The following CDKL1 variants were observed in gnomAD, a reference collection of about 807,000 sequenced individuals.
CDKL1 encodes the protein cyclin dependent kinase like 1.
In CDKL1, 41 loss-of-function variants were observed where a neutral mutation model predicts 42.0. That is an observed-to-expected ratio of 0.98 (90% CI 0.76 to 1.27). The LOEUF (loss-of-function observed/expected upper bound fraction) is 1.27, where lower values mean the gene tolerates loss of function less well. Among genes scored for constraint, CDKL1 ranks in the 50% most tolerant of loss-of-function variants. CDKL1 has a pLI of 0.00. For synonymous variants in CDKL1, 153 were observed against 158.6 expected, an observed-to-expected ratio of 0.96 and a Z score of 0.26; for missense variants, 394 against 428.4, an observed-to-expected ratio of 0.92 and a Z score of 0.71.
intron 4 of CDKL1, among the ~76,000 whole-genome samples, chr14:50,344,465 GT>G (rs1469813182): frequency 2.0e-5 from 2 of 98,576 alleles, no homozygotes; most frequent in African/African-American, 4.1e-5. Flanking sequence ...TTTGTTCTTT[GT>G]GGTTTTTTTT....
In CDKL1 at chr14:50,331,971, C is replaced by T. The variant is rs985250691; in HGVS notation, c.966+291G>A. The stretch of plus-strand genomic sequence containing the variant: ...TCATTTTCCAAAGCCCAAAAAGTCT[C>T]CTTAGCTGGACTCATACTCATGTAC... On this transcript the variant is annotated intron_variant, in intron 9 of 9. Coordinates refer to ENST00000395834, the MANE Select transcript of CDKL1 (RefSeq NM_004196.7). 2.3e-5 allele frequency: 33 copies of T among 1,444,882 alleles called. No individual in the cohort carries two copies. In the African/African-American group the frequency reaches 3.6e-4, roughly 16 times the overall value. The allele number at this position is 1,444,882 out of a possible 1,614,324, so 89.5% of individuals were successfully genotyped here.
At chr14:50,341,994 C>A in intron 5 of CDKL1, 138 bp downstream of exon 5, 1 of 679,690 alleles carries the variant, frequency 1.5e-6, no homozygotes. Flanking sequence ...TCGGTAATTA[C>A]AAAATTATAA....
chr14:50,358,182 G>A (rs535575187), intron 3 of CDKL1: 88 of 1,285,720 alleles, frequency 6.8e-5, no homozygotes, highest in Non-Finnish European at 8.7e-5. Flanking sequence ...CGGAGCCCCC[G>A]GAGTCACTCC....
rs779212729 is a variant in CDKL1 at position 50,336,110 on chromosome 14, T to TG, written c.739-1490dup. The TG allele has an allele frequency of 5.9e-6, 8 of 1,366,172 alleles. No homozygotes were observed. The South Asian group carries it at 9.1e-5, about 16-fold the overall frequency. The allele number at this position is 1,366,172 out of a possible 1,614,324, so 84.6% of individuals were successfully genotyped here. Reference sequence around the variant, plus strand: ...GCTCTGCTGTCTCAGCAACAATGTCTGGATGAGGCCAACTGGTTGCCTGTG... The same window carrying TG: ...GCTCTGCTGTCTCAGCAACAATGTCTGGGATGAGGCCAACTGGTTGCCTGTG... On this transcript the variant is annotated intron_variant, in intron 7 of 9. Transcript: ENST00000395834.
At position 50,367,580 on chromosome 14, in the gene CDKL1, C is replaced by T. The variant is rs905431553; in HGVS notation, c.169-8431G>A. On this transcript the variant is annotated intron_variant, in intron 2 of 9. Coordinates refer to ENST00000395834, the MANE Select transcript of CDKL1 (RefSeq NM_004196.7). ...GAATTAGATGAGAAGAACTAAGCAA[C>T]ATGATGGACAAACTGTTACAGGCTT... 1.4e-4 allele frequency among the ~76,000 whole-genome samples: 21 copies of T among 152,232 alleles called. 1 individual carries two copies. The highest frequency in any genetic ancestry group is 5.1e-4 in the African/African-American group (21 of 41,442).
At chr14:50,339,154 CAGA>C (rs1226557492) in intron 6 of CDKL1, 125 bp from the exon 7 acceptor site, 55 of 707,710 alleles carry the variant, frequency 7.8e-5, no homozygotes, top group South Asian at 7.6e-4. Flanking sequence ...CTTGGGCAAT[CAGA>C]AGGAGAGGCA....
chr14:50,367,985 G>T (rs964997147), intron 2 of CDKL1, among the ~76,000 whole-genome samples: 1 of 151,922 alleles, frequency 6.6e-6, no homozygotes, highest in South Asian at 2.1e-4. Flanking sequence ...TTGAAACAGG[G>T]TCTCACTCTG....
chr14:50,387,622 G>T (rs191152291), intron 2 of CDKL1, among the ~76,000 whole-genome samples: 25 of 152,124 alleles, frequency 1.6e-4, no homozygotes, highest in Non-Finnish European at 2.6e-4. Flanking sequence ...ACCCCAGTTT[G>T]CCCCAGTCTC....
At chr14:50,336,650 G>A (rs1271040359) in intron 7 of CDKL1, among the ~76,000 whole-genome samples, 2 of 152,116 alleles carry the variant, frequency 1.3e-5, no homozygotes, top group Non-Finnish European at 2.9e-5. Flanking sequence ...AAACTGGAGG[G>A]TTAGTTTCAT....
chr14:50,329,843 A>G lies in CDKL1; in HGVS notation c.*231T>C, dbSNP rs891382035. The G allele has an allele frequency of 2.1e-6, 1 of 480,718 alleles. No individual in the cohort carries two copies. The highest frequency in any genetic ancestry group is 2.3e-5 in the South Asian group (1 of 43,776). 29.8% of individuals were successfully genotyped at this position (480,718 alleles called of 1,614,324 possible). On this transcript the variant is annotated 3_prime_UTR_variant, in exon 10 of 10. Coordinates refer to ENST00000395834, the MANE Select transcript of CDKL1 (RefSeq NM_004196.7). ...AGTTCGGCTACTTACATAAACTGAAATACAAGTGCAACTCCAAACAGGTTT... is the reference window on the plus strand; with the variant it reads ...AGTTCGGCTACTTACATAAACTGAAGTACAAGTGCAACTCCAAACAGGTTT...
At chr14:50,340,699 A>G (rs1295011508) in intron 6 of CDKL1, among the ~76,000 whole-genome samples, 1 of 152,218 alleles carries the variant, frequency 6.6e-6, no homozygotes, top group Non-Finnish European at 1.5e-5. Context: ...AACAAGGTAA[A>G]CCATGAAAGC....
intron 6 of CDKL1, 74 bp from the exon 7 acceptor site, chr14:50,339,103 C>T: frequency 2.0e-6 from 2 of 999,496 alleles, no homozygotes; most frequent in South Asian, 2.5e-5. Flanking sequence ...TCCATCAATG[C>T]TGTGTTTGTC....
At chr14:50,348,550 G>T (rs932438047) in intron 3 of CDKL1, among the ~76,000 whole-genome samples, 1 of 152,160 alleles carries the variant, frequency 6.6e-6, no homozygotes, top group African/African-American at 2.4e-5. Context: ...GGGAAACCCG[G>T]CAGGCAGACT....
At chr14:50,332,030 C>T in intron 9 of CDKL1, 8 of 1,538,580 alleles carry the variant, frequency 5.2e-6, no homozygotes, top group Non-Finnish European at 6.1e-6. Context: ...AGGCTGGAAA[C>T]CCTGGCCCCT....
upstream of CDKL1, chr14:50,396,987 G>A (rs2035431888): frequency 1.2e-5 from 12 of 971,842 alleles, no homozygotes; most frequent in South Asian, 1.9e-4. Flanking sequence ...GCCCGGCCCA[G>A]CCCGGCCGCC....
At chr14:50,351,963 A>G (rs1445702141) in intron 3 of CDKL1, among the ~76,000 whole-genome samples, 3 of 152,180 alleles carry the variant, frequency 2.0e-5, no homozygotes, top group Non-Finnish European at 4.4e-5. Flanking sequence ...GGAGATAGTG[A>G]TTTCAGGGAG....
intron 2 of CDKL1, among the ~76,000 whole-genome samples, chr14:50,379,059 C>T (rs1349949177): frequency 6.6e-6 from 1 of 152,034 alleles, no homozygotes; most frequent in African/African-American, 2.4e-5. Context: ...GCCATGTTGG[C>T]CAGTTTGGTA....
chr14:50,329,546 A>G lies in CDKL1; in HGVS notation c.*528T>C, dbSNP rs1324119895. ...ATTTTGAACCTAAGTGTTACCCTCA[A>G]AATGTTTTAAAATATAAAAATCAAG... is the stretch of plus-strand genomic sequence containing the variant. On this transcript the variant is annotated 3_prime_UTR_variant, in exon 10 of 10. Transcript: ENST00000395834. The G allele has an allele frequency of 6.5e-6, 1 of 152,672 alleles. No homozygotes were observed. The highest frequency in any genetic ancestry group is 2.4e-5 in the African/African-American group (1 of 41,568). 9.5% of individuals were successfully genotyped at this position (152,672 alleles called of 1,614,324 possible).
chr14:50,392,671 G>A (rs932882784), intron 2 of CDKL1, among the ~76,000 whole-genome samples: 1 of 151,720 alleles, frequency 6.6e-6, no homozygotes, highest in Admixed American at 6.6e-5. Flanking sequence ...AAATACCATC[G>A]ATATGCTTAT....
Sources: gnomAD v4.1 joint callset for allele counts (sites outside exome capture counted in the v4.1 genomes callset) on GRCh38, gnomAD v4.1.1 for gene constraint, MANE v1.5 for transcripts, NCBI Gene and HGNC (gene_info 2026-07-23, HGNC 2026-07-21) for gene names.